The following ARB2A variants were observed in gnomAD, a reference collection of about 807,000 sequenced individuals.
The protein encoded by ARB2A is cotranscriptional regulator ARB2A.
At chr5:94,010,553 T>C in the ARB2A span, among the ~76,000 whole-genome samples, 5 of 152,122 alleles carry the variant, frequency 3.3e-5, no homozygotes, top group Non-Finnish European at 5.9e-5. Context: ...TCCCAAGATC[T>C]TCAGGAAAAT....
the ARB2A span, among the ~76,000 whole-genome samples, chr5:93,676,973 T>C: frequency 6.6e-6 from 1 of 152,130 alleles, no homozygotes; most frequent in Admixed American, 6.5e-5. Context: ...GTAACCTCAA[T>C]AGGATGCAGT....
chr5:93,866,029 T>C, the ARB2A span: 29 of 984,362 alleles, frequency 2.9e-5, no homozygotes, highest in South Asian at 1.1e-3. Context: ...GAAAAAACGT[T>C]GCTAAATAAT....
the ARB2A span, among the ~76,000 whole-genome samples, chr5:94,014,872 C>CA: frequency 6.8e-6 from 1 of 147,834 alleles, no homozygotes; most frequent in Non-Finnish European, 1.5e-5. Flanking sequence ...AATGAAAAGG[C>CA]ATGAAGACCA....
At chr5:93,814,191 G>C in the ARB2A span, among the ~76,000 whole-genome samples, 1 of 152,018 alleles carries the variant, frequency 6.6e-6, no homozygotes, top group Admixed American at 6.6e-5. Flanking sequence ...TTTGAGATCT[G>C]GTCCTGATAA....
the ARB2A span, among the ~76,000 whole-genome samples, chr5:93,743,908 C>T: frequency 1.6e-4 from 25 of 152,134 alleles, no homozygotes; most frequent in African/African-American, 5.1e-4. Flanking sequence ...CCTTGTGATC[C>T]GCCTGCCTCG....
chr5:94,015,335 G>A, the ARB2A span, among the ~76,000 whole-genome samples: 2 of 151,754 alleles, frequency 1.3e-5, no homozygotes, highest in African/African-American at 2.4e-5. Flanking sequence ...AAAGTCTTTC[G>A]TAGACAAACA....
At chr5:93,956,070 C>T in the ARB2A span, among the ~76,000 whole-genome samples, 1 of 152,206 alleles carries the variant, frequency 6.6e-6, no homozygotes, top group African/African-American at 2.4e-5. Context: ...TGAAGATTGT[C>T]AAACACCAAG....
chr5:93,716,840 A>G, the ARB2A span, among the ~76,000 whole-genome samples: 3 of 152,072 alleles, frequency 2.0e-5, no homozygotes, highest in African/African-American at 7.2e-5. Flanking sequence ...GTATTCTTCA[A>G]TTGAAAAAAA....
the ARB2A span, among the ~76,000 whole-genome samples, chr5:94,025,841 G>A: frequency 6.6e-5 from 10 of 152,146 alleles, no homozygotes; most frequent in African/African-American, 2.2e-4. Flanking sequence ...GCCTTGCTTG[G>A]GCCCAGGTAC....
At chr5:93,752,263 T>C in the ARB2A span, among the ~76,000 whole-genome samples, 10 of 152,270 alleles carry the variant, frequency 6.6e-5, no homozygotes, top group Admixed American at 4.6e-4. Context: ...CCCTGACTTA[T>C]TTTTTCCAAC....
At chr5:93,947,319 C>T in the ARB2A span, among the ~76,000 whole-genome samples, 4 of 152,210 alleles carry the variant, frequency 2.6e-5, no homozygotes, top group African/African-American at 9.6e-5. Flanking sequence ...AACTGCAAAT[C>T]CAAATCCACT....
At chr5:94,104,114 G>C in the ARB2A span, among the ~76,000 whole-genome samples, 1 of 144,104 alleles carries the variant, frequency 6.9e-6, no homozygotes, top group South Asian at 2.2e-4. Context: ...AAAAAAAAAA[G>C]TAAACTAACC....
At chr5:93,914,499 G>A in the ARB2A span, among the ~76,000 whole-genome samples, 2 of 151,942 alleles carry the variant, frequency 1.3e-5, no homozygotes, top group South Asian at 4.1e-4. Context: ...TAGTGAGAGA[G>A]TGAACAAAGA....
chr5:93,927,934 T>G, the ARB2A span, among the ~76,000 whole-genome samples: 78 of 152,114 alleles, frequency 5.1e-4, 1 homozygote, highest in Non-Finnish European at 2.6e-4. Flanking sequence ...AAATCATTAA[T>G]TTTCTGTCTG....
the ARB2A span, among the ~76,000 whole-genome samples, chr5:93,704,125 G>C: frequency 2.8e-4 from 43 of 152,314 alleles, no homozygotes; most frequent in Middle Eastern, 3.4e-3. Flanking sequence ...ATGTGCATCT[G>C]AGGGAAGATC....
the ARB2A span, among the ~76,000 whole-genome samples, chr5:93,730,425 C>A: frequency 6.6e-6 from 1 of 151,644 alleles, no homozygotes; most frequent in Admixed American, 6.6e-5. Context: ...ATTTAGCAAG[C>A]AGACTGGTGC....
chr5:93,677,378 C>T, the ARB2A span, among the ~76,000 whole-genome samples: 2 of 152,190 alleles, frequency 1.3e-5, no homozygotes, highest in African/African-American at 4.8e-5. Context: ...CTGTAAAACT[C>T]AAGTGGGCTG....
chr5:94,109,526 A>G, the ARB2A span, among the ~76,000 whole-genome samples: 7 of 152,252 alleles, frequency 4.6e-5, no homozygotes, highest in Admixed American at 2.6e-4. Context: ...ACATATCTAC[A>G]GACACCAGAT....
At chr5:93,969,378 A>G in the ARB2A span, among the ~76,000 whole-genome samples, 1 of 152,004 alleles carries the variant, frequency 6.6e-6, no homozygotes, top group Non-Finnish European at 1.5e-5. Context: ...AGAAAAATCT[A>G]CTACACCTGG....
Sources: allele counts gnomAD v4.1 joint callset (sites outside exome capture counted in the v4.1 genomes callset), GRCh38; gene constraint gnomAD v4.1.1; transcripts MANE v1.5; gene names NCBI Gene and HGNC (gene_info 2026-07-23, HGNC 2026-07-21).